ADAMTS16: variants seen among roughly 807,000 people sequenced by gnomAD.
The protein encoded by ADAMTS16 is ADAM metallopeptidase with thrombospondin type 1 motif 16.
Under a neutral mutation model 145.8 loss-of-function variants are expected in ADAMTS16, and 94 were observed. The observed-to-expected ratio is 0.64, with a 90% CI of 0.55 to 0.77. The LOEUF is 0.77. Ranked by LOEUF, ADAMTS16 falls within the 30% of genes least tolerant of loss-of-function variation. The probability of loss-of-function intolerance (pLI) is 0.00; values close to 1 mark genes in which losing one functional copy is unlikely to be tolerated. For missense variants in ADAMTS16, 1,585 were observed against 1,591.5 expected, an observed-to-expected ratio of 1.00 and a Z score of 0.07; for synonymous variants, 659 against 604.3, an observed-to-expected ratio of 1.09 and a Z score of -1.33.
chr5:5,232,794 G>A (rs1050015170), intron 12 of ADAMTS16, among the ~76,000 whole-genome samples: 4 of 151,786 alleles, frequency 2.6e-5, no homozygotes, highest in Non-Finnish European at 4.4e-5. Flanking sequence ...GTAGAGACAC[G>A]GTTTTACCAT....
chr5:5,215,872 A>ATGTG (rs1397963458), intron 10 of ADAMTS16, among the ~76,000 whole-genome samples: 2 of 18,194 alleles, frequency 1.1e-4, no homozygotes, highest in African/African-American at 3.3e-4. Context: ...GTGTATGTGT[A>ATGTG]TATATATATA....
intron 18 of ADAMTS16, among the ~76,000 whole-genome samples, chr5:5,290,050 T>C (rs926744743): frequency 6.6e-6 from 1 of 152,256 alleles, no homozygotes; most frequent in Non-Finnish European, 1.5e-5. Flanking sequence ...GTATCTTTCA[T>C]TGACTTAGAT....
intron 3 of ADAMTS16, among the ~76,000 whole-genome samples, chr5:5,156,216 G>C (rs2126519472): frequency 6.6e-6 from 1 of 152,182 alleles, no homozygotes; most frequent in South Asian, 2.1e-4. Flanking sequence ...TGAGTTGAGA[G>C]GCGATTTCTT....
chr5:5,248,388 C>A (rs16875141), intron 17 of ADAMTS16, among the ~76,000 whole-genome samples: 8,456 of 152,332 alleles, frequency 0.056, 368 homozygotes, highest in East Asian at 0.15. Context: ...CATTGCTCAT[C>A]AAACTCACCA....
chr5:5,179,862 C>A (rs572408609), intron 3 of ADAMTS16, among the ~76,000 whole-genome samples: 1 of 152,186 alleles, frequency 6.6e-6, no homozygotes. Context: ...CTTGCCTCCT[C>A]TCACCCCCAG....
chr5:5,298,321 C>T (rs1268825628), intron 18 of ADAMTS16, among the ~76,000 whole-genome samples: 1 of 152,250 alleles, frequency 6.6e-6, no homozygotes, highest in East Asian at 1.9e-4. Flanking sequence ...ATAACTCATT[C>T]TACCTACTGT....
At chr5:5,142,092 T>TA (rs1396933216) in intron 2 of ADAMTS16, 1 of 151,244 alleles carries the variant, frequency 6.6e-6, no homozygotes, top group Non-Finnish European at 1.5e-5. Context: ...TCTAGTTCCC[T>TA]AAAACCATGA....
At chr5:5,247,691 T>G (rs1161090293) in intron 17 of ADAMTS16, among the ~76,000 whole-genome samples, 1 of 152,212 alleles carries the variant, frequency 6.6e-6, no homozygotes, top group Non-Finnish European at 1.5e-5. Context: ...GGTCTTAACG[T>G]CTGCAAATTT....
At chr5:5,224,162 T>C (rs1184688704) in intron 11 of ADAMTS16, among the ~76,000 whole-genome samples, 2 of 151,976 alleles carry the variant, frequency 1.3e-5, no homozygotes, top group African/African-American at 4.8e-5. Flanking sequence ...CTAATATGCT[T>C]TTTTTTTCAG....
chr5:5,161,195 A>G (rs1177786953), intron 3 of ADAMTS16, among the ~76,000 whole-genome samples: 3 of 152,246 alleles, frequency 2.0e-5, no homozygotes, highest in African/African-American at 7.2e-5. Context: ...TTGACATTGT[A>G]TCACATTCCA....
chr5:5,247,864 G>C (rs897058485), intron 17 of ADAMTS16, among the ~76,000 whole-genome samples: 1 of 152,220 alleles, frequency 6.6e-6, no homozygotes, highest in Admixed American at 6.5e-5. Context: ...CAGCCTCCAA[G>C]CTCTAGTAAA....
rs559487728 is a variant in ADAMTS16, at chr5:5,169,263, A to G, written c.502-12781A>G. On this transcript the variant is annotated intron_variant, in intron 3 of 22. Coordinates refer to ENST00000274181, the MANE Select transcript of ADAMTS16 (RefSeq NM_139056.4). ...CCTTCTGGCAACATTTCTTGTTTCA[A>G]CGTAGAAGGAAATACTAGCCTTTGG... 2.0e-5 allele frequency among the ~76,000 whole-genome samples: 3 copies of G among 152,318 alleles called. No homozygotes were observed. In the South Asian group the frequency reaches 6.2e-4, roughly 32 times the overall value.
intron 18 of ADAMTS16, among the ~76,000 whole-genome samples, chr5:5,293,140 G>C (rs149688693): frequency 6.6e-6 from 1 of 152,200 alleles, no homozygotes; most frequent in African/African-American, 2.4e-5. Flanking sequence ...TGCTCTGATG[G>C]TGTCACGGTT....
At chr5:5,226,814 G>A (rs1736778722) in intron 11 of ADAMTS16, among the ~76,000 whole-genome samples, 1 of 152,190 alleles carries the variant, frequency 6.6e-6, no homozygotes, top group Admixed American at 6.5e-5. Flanking sequence ...CCTCAAAACA[G>A]CCCTACAGGT....
intron 18 of ADAMTS16, among the ~76,000 whole-genome samples, chr5:5,273,713 G>C (rs894278112): frequency 6.6e-6 from 1 of 152,170 alleles, no homozygotes; most frequent in Non-Finnish European, 1.5e-5. Context: ...CCAAAACAAT[G>C]AGCTTGAAAT....
At chr5:5,206,797 G>A (rs772389300) in intron 9 of ADAMTS16, among the ~76,000 whole-genome samples, 6 of 152,014 alleles carry the variant, frequency 3.9e-5, no homozygotes, top group Non-Finnish European at 5.9e-5. Context: ...ATTTTTTTAC[G>A]TGTAGATGAC....
rs73039110 is a variant in ADAMTS16, at chr5:5,270,670, A to G, written c.2789+7887A>G. On this transcript the variant is annotated intron_variant, in intron 18 of 22. Coordinates refer to ENST00000274181, the MANE Select transcript of ADAMTS16 (RefSeq NM_139056.4). ...TTTCATTGTATGATTTTAACAATTG[A>G]GTTGGGAACATAGATTTTAATTTAA... 9.1e-3 allele frequency among the ~76,000 whole-genome samples: 1,385 copies of G among 152,350 alleles called. 17 individuals are homozygous for G. Among genetic ancestry groups the G allele is most frequent in the African/African-American group, 0.032 (1,311 of 41,566 alleles).
rs1470543468 is a variant in ADAMTS16, at chr5:5,182,112, A to G, written c.570A>G (p.Lys190=). 15 of 1,613,990 alleles carry G rather than the reference A, an allele frequency of 9.3e-6. No homozygotes were observed. Among genetic ancestry groups the G allele is most frequent in the Non-Finnish European group, 1.3e-5 (15 of 1,180,020 alleles). ...CACTTCCTTCACACCTCTCATGGAA[A>G]CTCGGCAGAGCTGCCCAAGGCAGCT... The part of the protein sequence containing the change: ...LRPLPSHLSW[K]LGRAAQGSSP... The change falls in exon 4 of 23, where the codon AAA becomes AAG. Residue 190 remains lysine (K), a synonymous_variant. Transcript: ENST00000274181.
chr5:5,182,964 CT>C (rs1331120417), intron 4 of ADAMTS16, among the ~76,000 whole-genome samples: 2 of 152,214 alleles, frequency 1.3e-5, no homozygotes, highest in African/African-American at 2.4e-5. Context: ...CCCTCTCCCC[CT>C]GCCCATTGTT....
Sources: gnomAD v4.1 joint callset for allele counts (sites outside exome capture counted in the v4.1 genomes callset) on GRCh38, gnomAD v4.1.1 for gene constraint, MANE v1.5 for transcripts, NCBI Gene and HGNC (gene_info 2026-07-23, HGNC 2026-07-21) for gene names.